The following SEPTIN11 variants were observed in gnomAD, a reference collection of about 807,000 sequenced individuals.
SEPTIN11 encodes septin-11.
In SEPTIN11, 25 loss-of-function variants were observed where a neutral mutation model predicts 51.4. The ratio of observed to expected loss-of-function variants is 0.49; its 90% CI spans 0.35 to 0.68. The LOEUF (loss-of-function observed/expected upper bound fraction) is 0.68, where lower values mean the gene tolerates loss of function less well. Ranked by LOEUF, SEPTIN11 falls within the 30% of genes least tolerant of loss-of-function variation. SEPTIN11 has a pLI of 0.00. For synonymous variants in SEPTIN11, 174 were observed against 184.1 expected (o/e 0.95, Z 0.44); for missense variants, 381 against 520.8 (o/e 0.73, Z 2.61).
chr4:77,017,101 T>A (rs2109965121), intron 5 of SEPTIN11, among the ~76,000 whole-genome samples: 1 of 152,266 alleles, frequency 6.6e-6, no homozygotes, highest in South Asian at 2.1e-4. Flanking sequence ...TAATTTGGGA[T>A]GTCAGTGTGG....
At chr4:77,022,884 T>TGGGA (rs757716247) in intron 7 of SEPTIN11, among the ~76,000 whole-genome samples, 6,905 of 152,276 alleles carry the variant, frequency 0.045, 242 homozygotes, top group East Asian at 0.096. Flanking sequence ...AGTTTGCCAC[T>TGGGA]TAGGTCTTTC....
chr4:76,958,939 C>A (rs2109883190), intron 1 of SEPTIN11: 1 of 1,266,346 alleles, frequency 7.9e-7, no homozygotes, highest in Non-Finnish European at 1.2e-6. Flanking sequence ...TCTTAAAAAA[C>A]TGGAATGTTG....
chr4:77,008,067 C>G (rs1724614191), intron 3 of SEPTIN11, among the ~76,000 whole-genome samples: 1 of 152,178 alleles, frequency 6.6e-6, no homozygotes, highest in Non-Finnish European at 1.5e-5. Context: ...TATTATCTGC[C>G]TCAGACCAGG....
At chr4:77,016,635 T>TATATATATATATATATATATACAC (rs1560736323) in intron 5 of SEPTIN11, among the ~76,000 whole-genome samples, 4 of 54,964 alleles carry the variant, frequency 7.3e-5, no homozygotes, top group East Asian at 7.0e-4. Context: ...TATATACACA[T>TATATATATATATATATATATACAC]ATATATATAT....
At chr4:77,029,669 C>T (rs1194047561) in intron 8 of SEPTIN11, among the ~76,000 whole-genome samples, 1 of 151,826 alleles carries the variant, frequency 6.6e-6, no homozygotes, top group Non-Finnish European at 1.5e-5. Flanking sequence ...TTTCTTTCTT[C>T]TTCCTTTGCT....
At position 76,991,046 on chromosome 4, in the gene SEPTIN11, A is replaced by T. The variant is rs1447868321; in HGVS notation, c.28-5379A>T. ...TTTATTTTTATTGTGATTTTACCTT[A>T]TTCATATGTCCGAGAGCCCTGCTGG... On this transcript the variant is annotated intron_variant, in intron 1 of 9. Transcript: ENST00000264893. 2.0e-5 allele frequency among the ~76,000 whole-genome samples: 3 copies of T among 152,076 alleles called. No homozygotes were observed. The East Asian group carries it at 5.8e-4, about 29-fold the overall frequency.
chr4:77,027,872 T>G (rs1726291039), intron 7 of SEPTIN11, among the ~76,000 whole-genome samples: 1 of 152,196 alleles, frequency 6.6e-6, no homozygotes, highest in Non-Finnish European at 1.5e-5. Context: ...TGTAGAATAT[T>G]GGGCTCTAAC....
chr4:77,036,427 C>G lies in SEPTIN11; in HGVS notation c.*1915C>G. ...TGTGTTGTATGCTTGTTCCAACCAC[C>G]GCTTGTGTGAGCATTTTTGTGGCTT... is the stretch of plus-strand genomic sequence containing the variant. On this transcript the variant is annotated 3_prime_UTR_variant, in exon 10 of 10. Transcript: ENST00000264893. The G allele has an allele frequency of 8.5e-7, 1 of 1,170,454 alleles. No homozygotes were observed. The highest frequency in any genetic ancestry group is 1.1e-6 in the Non-Finnish European group (1 of 942,822). The allele number at this position is 1,170,454 out of a possible 1,614,324, so 72.5% of individuals were successfully genotyped here.
At chr4:76,991,084 C>G (rs1723351195) in intron 1 of SEPTIN11, among the ~76,000 whole-genome samples, 1 of 152,228 alleles carries the variant, frequency 6.6e-6, no homozygotes, top group Admixed American at 6.5e-5. Context: ...AGCAGCTTCT[C>G]CTGGAATGCC....
chr4:76,954,967 TTTTA>T (rs1178766758), intron 1 of SEPTIN11, among the ~76,000 whole-genome samples: 1 of 98,794 alleles, frequency 1.0e-5, no homozygotes, highest in Non-Finnish European at 1.9e-5. Flanking sequence ...GTGATTTCTT[TTTTA>T]TTTATTTATT....
At chr4:76,994,414 G>A in intron 1 of SEPTIN11, among the ~76,000 whole-genome samples, 1 of 152,256 alleles carries the variant, frequency 6.6e-6, no homozygotes, top group East Asian at 1.9e-4. Context: ...ATTGTTGGAA[G>A]GCTTGCCCAG....
chr4:77,034,279 A>G (rs1726881234), intron 9 of SEPTIN11, among the ~76,000 whole-genome samples: 1 of 152,230 alleles, frequency 6.6e-6, no homozygotes, highest in African/African-American at 2.4e-5. Context: ...TTACATACAA[A>G]TGGAAACTAA....
At chr4:77,028,521 C>A in intron 7 of SEPTIN11, 108 bp from the exon 8 acceptor site, 1 of 1,230,264 alleles carries the variant, frequency 8.1e-7, no homozygotes, top group Admixed American at 2.4e-5. Context: ...ATCTGGCAAG[C>A]AGCAGCTTTA....
At chr4:76,995,555 T>C (rs1438162618) in intron 1 of SEPTIN11, among the ~76,000 whole-genome samples, 1 of 152,118 alleles carries the variant, frequency 6.6e-6, no homozygotes, top group Non-Finnish European at 1.5e-5. Flanking sequence ...ATTTCTGAAA[T>C]TGCAAACCAT....
chr4:77,025,544 CAA>C (rs200938790), intron 7 of SEPTIN11, among the ~76,000 whole-genome samples: 7 of 131,272 alleles, frequency 5.3e-5, no homozygotes, highest in Admixed American at 7.6e-5. Flanking sequence ...GAACCTGTCT[CAA>C]AAAAAAAAAA....
In SEPTIN11 at chr4:77,037,913, A is replaced by G. The variant is rs1336641663; in HGVS notation, c.*3401A>G. ...TTGTGACTCACCAGCAGTAACACAC[A>G]CAATCCACATCTTGTGCACCTCAAA... is the stretch of plus-strand genomic sequence containing the variant. On this transcript the variant is annotated 3_prime_UTR_variant, in exon 10 of 10. Coordinates refer to ENST00000264893, the MANE Select transcript of SEPTIN11 (RefSeq NM_018243.4). 1 of 985,810 alleles carries G rather than the reference A, an allele frequency of 1.0e-6. No individual in the cohort carries two copies. Among genetic ancestry groups the G allele is most frequent in the Non-Finnish European group, 1.2e-6 (1 of 829,968 alleles). 61.1% of individuals were successfully genotyped at this position (985,810 alleles called of 1,614,324 possible).
chr4:77,029,985 G>C (rs1384402166), intron 8 of SEPTIN11, among the ~76,000 whole-genome samples: 2 of 152,108 alleles, frequency 1.3e-5, no homozygotes, highest in Non-Finnish European at 2.9e-5. Context: ...TTGGCCAGGT[G>C]CAGTGGTTCA....
chr4:76,969,580 T>A (rs1023690569), intron 1 of SEPTIN11, among the ~76,000 whole-genome samples: 2 of 152,170 alleles, frequency 1.3e-5, no homozygotes, highest in African/African-American at 4.8e-5. Flanking sequence ...AATTAATAAA[T>A]GTATCCATGC....
rs185685873 is a variant in SEPTIN11, at chr4:77,028,418, G to A, written c.954-211G>A. 7.9e-4 allele frequency among the ~76,000 whole-genome samples: 121 copies of A among 152,266 alleles called. No homozygotes were observed. The East Asian group carries it at 0.017, about 22-fold the overall frequency. On this transcript the variant is annotated intron_variant, in intron 7 of 9. Transcript: ENST00000264893. ...ACAGACACACCTTTAGTGCTGTGTT[G>A]TGCTTACTGACTGATTTCTAGTTCT... is the stretch of plus-strand genomic sequence containing the variant.
Sources: gnomAD v4.1 joint callset for allele counts (sites outside exome capture counted in the v4.1 genomes callset) on GRCh38, gnomAD v4.1.1 for gene constraint, MANE v1.5 for transcripts, NCBI Gene and HGNC (gene_info 2026-07-23, HGNC 2026-07-21) for gene names.